Variants in CEP89 observed in about 807,000 individuals in gnomAD.
CEP89 encodes the protein centrosomal protein of 89 kDa.
CEP89 carries 95 observed loss-of-function variants against 97.6 expected under a neutral mutation model. That is an observed-to-expected ratio of 0.97 (90% CI 0.82 to 1.15). CEP89 has a LOEUF of 1.15. Ranked by LOEUF, CEP89 falls within the 50% of genes most tolerant of loss-of-function variation. The probability of loss-of-function intolerance (pLI) is 0.00; values close to 1 mark genes in which losing one functional copy is unlikely to be tolerated. For synonymous variants in CEP89, 354 were observed against 349.1 expected (o/e 1.01, Z -0.16); for missense variants, 869 against 947.7 (o/e 0.92, Z 1.09).
At chr19:32,904,397 C>T (rs945126353) in intron 14 of CEP89, among the ~76,000 whole-genome samples, 3 of 152,162 alleles carry the variant, frequency 2.0e-5, no homozygotes, top group Non-Finnish European at 4.4e-5. Context: ...TACCAAAAAC[C>T]TGTCAGCTTG....
rs1970710240 is a variant in CEP89 at position 32,942,618 on chromosome 19, ATGT to A, written c.596-2736_596-2734del. Among the ~76,000 whole-genome samples the A allele has an allele frequency of 2.0e-5, 3 of 152,292 alleles. No homozygotes were observed. The South Asian group carries it at 6.2e-4, about 32-fold the overall frequency. On this transcript the variant is annotated intron_variant, in intron 5 of 18. Coordinates refer to ENST00000305768, the MANE Select transcript of CEP89 (RefSeq NM_032816.5). ...TTACAATTTACAGCATCCCAAATTCATGTTGTATTTAATGTACATTTAATGTAC... is the reference window on the plus strand; with the variant it reads ...TTACAATTTACAGCATCCCAAATTCATGTATTTAATGTACATTTAATGTAC...
Position 32,877,385 on chromosome 19 carries a change from C to T in CEP89, c.*1777G>A, listed in dbSNP as rs537196119. ...AAAAGGAGATGCTGCAGGGTGCCAC[C>T]CCTGAGTCCCACAGTTAGGGTCCTT... On this transcript the variant is annotated 3_prime_UTR_variant, in exon 19 of 19. Transcript: ENST00000305768. 6.6e-6 allele frequency: 1 copy of T among 152,320 alleles called. No homozygotes were observed. Among genetic ancestry groups the T allele is most frequent in the Non-Finnish European group, 1.5e-5 (1 of 68,134 alleles). The allele number at this position is 152,320 out of a possible 1,614,324, so 9.4% of individuals were successfully genotyped here.
chr19:32,904,025 T>C (rs1352144702), intron 14 of CEP89, among the ~76,000 whole-genome samples: 1 of 152,162 alleles, frequency 6.6e-6, no homozygotes, highest in East Asian at 1.9e-4. Context: ...CCGGGAGCAG[T>C]GGCACATGCC....
intron 3 of CEP89, among the ~76,000 whole-genome samples, chr19:32,958,972 G>A (rs888361036): frequency 3.3e-5 from 5 of 151,724 alleles, no homozygotes; most frequent in African/African-American, 9.7e-5. Flanking sequence ...AGCCAAGATT[G>A]TGCCATTGTG....
chr19:32,908,120 C>T (rs924355134), intron 14 of CEP89, among the ~76,000 whole-genome samples: 2 of 152,220 alleles, frequency 1.3e-5, no homozygotes, highest in African/African-American at 4.8e-5. Context: ...ATGACGAAAT[C>T]ACTTAATGAT....
rs1380097876 is a variant in CEP89 at position 32,931,572 on chromosome 19, C to A, written c.887-1G>T. ...AGATAAAGTAATTCAGGTGCAGCAA[C>A]TAGGGAAAAAAATTTAATATTATAC... On this transcript the variant is annotated splice_acceptor_variant, in intron 8 of 18. Coordinates refer to ENST00000305768, the MANE Select transcript of CEP89 (RefSeq NM_032816.5). LOFTEE classifies it high-confidence loss of function. 1.3e-6 allele frequency: 2 copies of A among 1,574,430 alleles called. No homozygotes were observed. The highest frequency in any genetic ancestry group is 1.4e-5 in the African/African-American group (1 of 72,348).
At chr19:32,918,374 C>A in intron 12 of CEP89, 35 bp from the exon 13 acceptor site, 2 of 1,488,008 alleles carry the variant, frequency 1.3e-6, no homozygotes, top group South Asian at 1.1e-5. Flanking sequence ...TACTGTGATT[C>A]AGGTGCTGAA....
chr19:32,952,945 T>TGAAAA (rs1970956662), intron 4 of CEP89, among the ~76,000 whole-genome samples: 1 of 115,290 alleles, frequency 8.7e-6, no homozygotes, highest in African/African-American at 3.2e-5. Context: ...AGAAAAGAAA[T>TGAAAA]GAAAAGAAAG....
chr19:32,962,548 C>G (rs1250839670), intron 2 of CEP89, among the ~76,000 whole-genome samples: 1 of 152,076 alleles, frequency 6.6e-6, no homozygotes, highest in Non-Finnish European at 1.5e-5. Context: ...CCTTTGTGAC[C>G]TTAGGTTAGG....
At chr19:32,896,320 T>C (rs1969640518) in intron 16 of CEP89, among the ~76,000 whole-genome samples, 1 of 152,072 alleles carries the variant, frequency 6.6e-6, no homozygotes, top group African/African-American at 2.4e-5. Context: ...GCCCACATAT[T>C]TACTGCCAAC....
Position 32,882,014 on chromosome 19 carries a change from C to CT in CEP89, c.1966-2dup, listed in dbSNP as rs1359948497. The CT allele has an allele frequency of 3.2e-6, 5 of 1,563,024 alleles. No individual in the cohort carries two copies. The Admixed American group carries it at 7.6e-5, about 24-fold the overall frequency. ...TCAGTGCTGCCTGCTTCTTGTAGCCCTGGTCGGGGGAAGGACTCTGTGAAT... is the reference window on the plus strand; with the variant it reads ...TCAGTGCTGCCTGCTTCTTGTAGCCCTTGGTCGGGGGAAGGACTCTGTGAAT... On this transcript the variant is annotated splice_acceptor_variant, in intron 17 of 18. Transcript: ENST00000305768. LOFTEE classifies it high-confidence loss of function.
chr19:32,957,116 C>T (rs1293312329), intron 3 of CEP89, among the ~76,000 whole-genome samples: 1 of 152,210 alleles, frequency 6.6e-6, no homozygotes, highest in South Asian at 2.1e-4. Flanking sequence ...CTCTGTATCA[C>T]TCAACTAGTC....
chr19:32,892,202 C>CATATATATATATATAT (rs71336973), intron 16 of CEP89, among the ~76,000 whole-genome samples: 2 of 115,016 alleles, frequency 1.7e-5, no homozygotes, highest in East Asian at 3.5e-4. Flanking sequence ...TATATTTAGA[C>CATATATATATATATAT]ATATATATAT....
chr19:32,887,978 C>A lies in CEP89; in HGVS notation c.1876-137G>T, dbSNP rs534724320. On this transcript the variant is annotated intron_variant, in intron 16 of 18. Coordinates refer to ENST00000305768, the MANE Select transcript of CEP89 (RefSeq NM_032816.5). The stretch of plus-strand genomic sequence containing the variant: ...CTGTCCTGCCTCAACCCCTTCCCCA[C>A]CCACTGTGTGAGGGCCTGGGCCTCA... 2.1e-5 allele frequency: 13 copies of A among 633,728 alleles called. No individual in the cohort carries two copies. The African/African-American group carries it at 2.4e-4, about 12-fold the overall frequency. 39.3% of individuals were successfully genotyped at this position (633,728 alleles called of 1,614,324 possible). A position where few individuals can be genotyped will look rare whatever the true frequency, so the allele number is the denominator to read the frequency against.
chr19:32,966,497 G>C (rs371608274), intron 1 of CEP89, 31 bp from the exon 2 acceptor site: 1 of 1,375,130 alleles, frequency 7.3e-7, no homozygotes, highest in Non-Finnish European at 9.8e-7. Flanking sequence ...AGAAGTCACT[G>C]GGTTGGGTCA....
intron 11 of CEP89, among the ~76,000 whole-genome samples, chr19:32,925,677 G>A (rs958025189): frequency 6.6e-6 from 1 of 151,730 alleles, no homozygotes; most frequent in African/African-American, 2.4e-5. Context: ...TAGTAGAGAC[G>A]GGGTTTCACC....
intron 14 of CEP89, among the ~76,000 whole-genome samples, chr19:32,901,621 G>A (rs1225620821): frequency 6.6e-6 from 1 of 151,734 alleles, no homozygotes; most frequent in Non-Finnish European, 1.5e-5. Context: ...GTGTGGCTGG[G>A]CACACACTAC....
intron 5 of CEP89, 25 bp from the exon 6 acceptor site, chr19:32,939,910 T>C: frequency 8.8e-7 from 1 of 1,132,928 alleles, no homozygotes; most frequent in Non-Finnish European, 1.3e-6. Flanking sequence ...GAGAGAGAGA[T>C]AAACTTTTAA....
At position 32,936,288 on chromosome 19, in the gene CEP89, C is replaced by T. The variant is rs1970579104; in HGVS notation, c.667+1343G>A. The stretch of plus-strand genomic sequence containing the variant: ...ACACGACAGCGCCCTGCCGCCTCAG[C>T]CCCCTCCAGACTTTGGGCACCCATG... On this transcript the variant is annotated intron_variant, in intron 7 of 18. Transcript: ENST00000305768. The surrounding 1 kb of genome is among the most constrained non-coding windows in gnomAD (Gnocchi z 4.5). Among the ~76,000 whole-genome samples, 1 of 152,164 alleles carries T rather than the reference C, an allele frequency of 6.6e-6. No homozygotes were observed. The highest frequency in any genetic ancestry group is 2.4e-5 in the African/African-American group (1 of 41,426).
Sources: allele counts gnomAD v4.1 joint callset (sites outside exome capture counted in the v4.1 genomes callset), GRCh38; gene constraint gnomAD v4.1.1; non-coding constraint Gnocchi (gnomAD v3.1); transcripts MANE v1.5; gene names NCBI Gene and HGNC (gene_info 2026-07-23, HGNC 2026-07-21).